The following PEX7 variants were observed in gnomAD, a reference collection of about 807,000 sequenced individuals.
The protein encoded by PEX7 is peroxisomal biogenesis factor 7.
A neutral mutation model predicts 47.5 loss-of-function variants in PEX7; 34 were observed. The observed-to-expected ratio is 0.72, with a 90% CI of 0.54 to 0.95. The LOEUF (loss-of-function observed/expected upper bound fraction) is 0.95. PEX7 is among the 40% of genes least tolerant of loss of function. PEX7 has a pLI of 0.00. For synonymous variants in PEX7, 141 were observed against 148.8 expected (o/e 0.95, Z 0.38); for missense variants, 394 against 400.3 (o/e 0.98, Z 0.13).
chr6:136,845,548 C>T, intron 3 of PEX7, 67 bp from the exon 4 acceptor site: 1 of 890,900 alleles, frequency 1.1e-6, no homozygotes, highest in Non-Finnish European at 1.9e-6. Context: ...TGTTATGTAA[C>T]AAGAGATAAA....
intron 8 of PEX7, among the ~76,000 whole-genome samples, chr6:136,887,959 C>T (rs1775495505): frequency 6.6e-6 from 1 of 152,004 alleles, no homozygotes; most frequent in South Asian, 2.1e-4. Context: ...CAGATACTCT[C>T]ATGGGATTTG....
intron 6 of PEX7, among the ~76,000 whole-genome samples, chr6:136,869,118 G>A (rs1775126868): frequency 6.6e-6 from 1 of 152,058 alleles, no homozygotes; most frequent in South Asian, 2.1e-4. Flanking sequence ...TTAGAGATGA[G>A]GTCTCACTGT....
intron 8 of PEX7, among the ~76,000 whole-genome samples, chr6:136,887,640 A>G (rs1431370255): frequency 4.6e-5 from 7 of 152,210 alleles, no homozygotes; most frequent in Non-Finnish European, 1.0e-4. Context: ...CAAATGTGGC[A>G]AAATTTTAGC....
intron 9 of PEX7, among the ~76,000 whole-genome samples, chr6:136,906,929 C>T (rs1323179875): frequency 1.3e-5 from 2 of 152,110 alleles, no homozygotes; most frequent in Non-Finnish European, 2.9e-5. Flanking sequence ...AGAGTCTGAA[C>T]TTTTAATCTT....
intron 5 of PEX7, among the ~76,000 whole-genome samples, chr6:136,854,393 G>C (rs972453798): frequency 2.6e-5 from 4 of 152,108 alleles, no homozygotes; most frequent in Non-Finnish European, 4.4e-5. Flanking sequence ...CACCATGTTG[G>C]CTAGGCTGGT....
Position 136,913,567 on chromosome 6 carries a change from G to T in PEX7, c.*41G>T, listed in dbSNP as rs1443815822. On this transcript the variant is annotated 3_prime_UTR_variant, in exon 10 of 10. Coordinates refer to ENST00000318471, the MANE Select transcript of PEX7 (RefSeq NM_000288.4). Reference sequence around the variant, plus strand: ...TCAGAAACAGAGGATGTTGGCTGAAGAACTGCCTAACAGCAAATAAATTAA... The same window carrying T: ...TCAGAAACAGAGGATGTTGGCTGAATAACTGCCTAACAGCAAATAAATTAA... The T allele has an allele frequency of 8.0e-7, 1 of 1,251,126 alleles. No individual in the cohort carries two copies. The highest frequency in any genetic ancestry group is 1.2e-6 in the Non-Finnish European group (1 of 849,684). The allele number at this position is 1,251,126 out of a possible 1,614,324, so 77.5% of individuals were successfully genotyped here. A position where few individuals can be genotyped will look rare whatever the true frequency, so the allele number is the denominator to read the frequency against.
intron 3 of PEX7, among the ~76,000 whole-genome samples, chr6:136,844,054 TTATTA>T (rs1774551363): frequency 1.3e-5 from 2 of 152,188 alleles, no homozygotes; most frequent in African/African-American, 2.4e-5. Flanking sequence ...TTTTCCAGGT[TTATTA>T]TGATTGGCAA....
intron 8 of PEX7, among the ~76,000 whole-genome samples, chr6:136,881,257 G>A (rs1775371781): frequency 1.3e-5 from 2 of 152,180 alleles, no homozygotes; most frequent in African/African-American, 4.8e-5. Flanking sequence ...AGTCACAGAA[G>A]CTGTGGGAGG....
intron 8 of PEX7, among the ~76,000 whole-genome samples, chr6:136,887,698 G>A (rs1254961785): frequency 6.6e-6 from 1 of 152,142 alleles, no homozygotes; most frequent in Non-Finnish European, 1.5e-5. Context: ...TTTATTCTTT[G>A]AGGTTTATTG....
chr6:136,852,314 A>T (rs928403303), intron 5 of PEX7, among the ~76,000 whole-genome samples: 3 of 148,816 alleles, frequency 2.0e-5, no homozygotes, highest in African/African-American at 7.4e-5. Context: ...GGCCAGGGCA[A>T]TCAGGCAGGA....
rs150609539 is a variant in PEX7, at chr6:136,833,860, G to A, written c.339+7391G>A. ...TAAAGTTTAGACTTGTATTAAAAAA[G>A]GCAGACCTGTCTCTACTTGTAGCAC... On this transcript the variant is annotated intron_variant, in intron 3 of 9. Coordinates refer to ENST00000318471, the MANE Select transcript of PEX7 (RefSeq NM_000288.4). Among the ~76,000 whole-genome samples, 324 of 152,232 alleles carry A rather than the reference G, an allele frequency of 2.1e-3. 2 individuals carry two copies. Among genetic ancestry groups the A allele is most frequent in the African/African-American group, 7.6e-3 (315 of 41,562 alleles).
chr6:136,864,155 A>G (rs1474987), intron 5 of PEX7, among the ~76,000 whole-genome samples: 90,247 of 151,772 alleles, frequency 0.59, 26,841 homozygotes, highest in South Asian at 0.62. Context: ...TTATATCTCC[A>G]AATTCCTACT....
intron 1 of PEX7, 47 bp downstream of exon 1, chr6:136,822,842 G>GGGGCC (rs1554328341): frequency 3.2e-6 from 4 of 1,231,610 alleles, no homozygotes; most frequent in East Asian, 6.9e-5. Context: ...AGGCGGAGGC[G>GGGGCC]GGGGCCAGCC....
At chr6:136,879,754 C>T (rs1775344403) in intron 8 of PEX7, among the ~76,000 whole-genome samples, 1 of 152,078 alleles carries the variant, frequency 6.6e-6, no homozygotes, top group African/African-American at 2.4e-5. Flanking sequence ...AAAGGACTCT[C>T]CTTTACCTGT....
chr6:136,872,915 T>C (rs1030302153), intron 8 of PEX7, among the ~76,000 whole-genome samples: 4 of 152,172 alleles, frequency 2.6e-5, no homozygotes, highest in African/African-American at 9.6e-5. Context: ...AAAAACAATC[T>C]TACTAATTAG....
chr6:136,889,474 G>A (rs912361255), intron 8 of PEX7, among the ~76,000 whole-genome samples: 1 of 152,074 alleles, frequency 6.6e-6, no homozygotes, highest in African/African-American at 2.4e-5. Flanking sequence ...AATCTAAAAG[G>A]AACAAGGAAT....
chr6:136,880,032 G>A (rs1346558533), intron 8 of PEX7, among the ~76,000 whole-genome samples: 1 of 151,370 alleles, frequency 6.6e-6, no homozygotes, highest in African/African-American at 2.4e-5. Flanking sequence ...CTGATCAAGG[G>A]TTTTGTTGGT....
chr6:136,855,405 T>G lies in PEX7; in HGVS notation c.526+9224T>G, dbSNP rs188932042. ...CCCAGGCTGGAGTACAATGGTGCAATCTCAGCTCACTGCAACTTCCGCCTC... is the reference window on the plus strand; with the variant it reads ...CCCAGGCTGGAGTACAATGGTGCAAGCTCAGCTCACTGCAACTTCCGCCTC... On this transcript the variant is annotated intron_variant, in intron 5 of 9. Transcript: ENST00000318471. Among the ~76,000 whole-genome samples, 60 of 150,966 alleles carry G rather than the reference T, an allele frequency of 4.0e-4. No individual in the cohort carries two copies. In the East Asian group the frequency reaches 0.01, roughly 26 times the overall value.
intron 4 of PEX7, 99 bp from the exon 5 acceptor site, chr6:136,845,974 T>A: frequency 1.3e-6 from 1 of 744,722 alleles, no homozygotes; most frequent in Non-Finnish European, 2.4e-6. Context: ...ATTGTATGCA[T>A]ATATATAAAT....
Sources: gnomAD v4.1 joint callset for allele counts (sites outside exome capture counted in the v4.1 genomes callset) on GRCh38, gnomAD v4.1.1 for gene constraint, MANE v1.5 for transcripts, NCBI Gene and HGNC (gene_info 2026-07-23, HGNC 2026-07-21) for gene names.